Variants in KAZN observed in about 807,000 individuals in gnomAD.
KAZN encodes the protein kazrin, periplakin interacting protein.
Under a neutral mutation model 87.4 loss-of-function variants are expected in KAZN, and 40 were observed. That is an observed-to-expected ratio of 0.46 (90% CI 0.36 to 0.60). The LOEUF is 0.60. Among genes scored for constraint, KAZN ranks in the 20% least tolerant of loss-of-function variants. The probability of loss-of-function intolerance (pLI) is 0.00; values close to 1 mark genes in which losing one functional copy is unlikely to be tolerated. For missense variants in KAZN, 898 were observed against 1,073.9 expected (o/e 0.84, Z 2.29); for synonymous variants, 466 against 458.3 (o/e 1.02, Z -0.22).
chr1:14,022,485 C>CAAAAAAAAAAAAAAAAAAAA (rs58713618), intron 1 of KAZN, among the ~76,000 whole-genome samples: 3 of 110,482 alleles, frequency 2.7e-5, no homozygotes, highest in East Asian at 3.6e-4. Flanking sequence ...GTATTTAAAG[C>CAAAAAAAAAAAAAAAAAAAA]AAAAAAAAAA....
intron 2 of KAZN, among the ~76,000 whole-genome samples, chr1:14,316,444 TTC>T (rs1411608911): frequency 6.6e-6 from 1 of 152,038 alleles, no homozygotes; most frequent in Admixed American, 6.6e-5. Flanking sequence ...AATTTGTGTC[TTC>T]TCCCTTTGTT....
intron 2 of KAZN, among the ~76,000 whole-genome samples, chr1:14,311,876 C>G (rs1655330131): frequency 6.6e-6 from 1 of 152,024 alleles, no homozygotes; most frequent in Non-Finnish European, 1.5e-5. Flanking sequence ...GGCTAATAAA[C>G]TTATGATGCT....
At chr1:15,012,467 C>A (rs1222382142) in intron 2 of KAZN, among the ~76,000 whole-genome samples, 2 of 152,184 alleles carry the variant, frequency 1.3e-5, no homozygotes, top group Non-Finnish European at 2.9e-5. Context: ...TGATGCAACG[C>A]CCCACACCTG....
intron 2 of KAZN, among the ~76,000 whole-genome samples, chr1:14,587,995 G>A (rs775685178): frequency 7.2e-5 from 11 of 152,144 alleles, no homozygotes; most frequent in Non-Finnish European, 1.2e-4. Context: ...GTAAGAGGGG[G>A]GCCACTGGCA....
At position 14,754,401 on chromosome 1, in the gene KAZN, GGCAGGTGGATCCCCTGAGGT is replaced by G. The variant is rs369547338; in HGVS notation, c.226+155179_226+155198del. 4.5e-3 allele frequency among the ~76,000 whole-genome samples: 690 copies of G among 152,320 alleles called. 7 individuals carry two copies. Among genetic ancestry groups the G allele is most frequent in the African/African-American group, 0.015 (621 of 41,566 alleles). On this transcript the variant is annotated intron_variant, in intron 1 of 14. Coordinates refer to ENST00000376030, the MANE Select transcript of KAZN (RefSeq NM_201628.3). ...TAATCCCAGCACTTTGGGAGGCTGA[GGCAGGTGGATCCCCTGAGGT>G]CAGGAGTTCAAGACCAGCCTGGCCA...
intron 2 of KAZN, among the ~76,000 whole-genome samples, chr1:14,509,980 T>C (rs1670813445): frequency 6.8e-6 from 1 of 147,320 alleles, no homozygotes; most frequent in African/African-American, 2.4e-5. Context: ...AAGGGCTTAG[T>C]ATTGAAGGCC....
At chr1:14,056,236 G>A (rs1282644004) in intron 1 of KAZN, among the ~76,000 whole-genome samples, 2 of 152,324 alleles carry the variant, frequency 1.3e-5, no homozygotes, top group African/African-American at 2.4e-5. Context: ...CATGGCAGAC[G>A]AGCTCCGCAG....
At chr1:14,405,832 G>C (rs938715737) in intron 2 of KAZN, among the ~76,000 whole-genome samples, 1 of 151,926 alleles carries the variant, frequency 6.6e-6, no homozygotes, top group African/African-American at 2.4e-5. Context: ...TGTGAAAGCA[G>C]TCAGGCAGGA....
intron 1 of KAZN, among the ~76,000 whole-genome samples, chr1:14,032,643 C>A (rs1479901256): frequency 6.6e-6 from 1 of 152,202 alleles, no homozygotes; most frequent in Non-Finnish European, 1.5e-5. Context: ...AGTGATTGTT[C>A]TGAATTTCCA....
intron 1 of KAZN, among the ~76,000 whole-genome samples, chr1:14,043,050 A>G (rs988165555): frequency 1.3e-5 from 2 of 152,186 alleles, no homozygotes; most frequent in African/African-American, 4.8e-5. Context: ...CTCAAATTGA[A>G]ACTTGGTACC....
At chr1:14,521,283 C>T (rs1213752191) in intron 2 of KAZN, among the ~76,000 whole-genome samples, 2 of 152,188 alleles carry the variant, frequency 1.3e-5, no homozygotes, top group Admixed American at 1.3e-4. Context: ...TCTTTTCACT[C>T]AGTGTGCCCA....
intron 1 of KAZN, among the ~76,000 whole-genome samples, chr1:13,913,848 A>C (rs1639740811): frequency 6.6e-6 from 1 of 152,200 alleles, no homozygotes; most frequent in African/African-American, 2.4e-5. Context: ...TTTATTCAAC[A>C]AGGATCACCA....
intron 8 of KAZN, among the ~76,000 whole-genome samples, chr1:15,074,097 C>T (rs766840410): frequency 2.6e-5 from 4 of 152,226 alleles, no homozygotes; most frequent in Non-Finnish European, 5.9e-5. Flanking sequence ...CCAAGCTGGT[C>T]TCCCTCTCTG....
At chr1:14,392,841 T>A (rs551803304) in intron 2 of KAZN, among the ~76,000 whole-genome samples, 1 of 152,260 alleles carries the variant, frequency 6.6e-6, no homozygotes, top group East Asian at 1.9e-4. Flanking sequence ...CTCATGGTGA[T>A]TCTAATGGCG....
chr1:14,073,005 A>G (rs995661024), intron 1 of KAZN, among the ~76,000 whole-genome samples: 8 of 152,208 alleles, frequency 5.3e-5, no homozygotes, highest in Admixed American at 2.0e-4. Context: ...TTCTGAATCT[A>G]TAAAAGTTAC....
At chr1:13,926,051 A>G (rs546930621) in intron 1 of KAZN, among the ~76,000 whole-genome samples, 1 of 152,074 alleles carries the variant, frequency 6.6e-6, no homozygotes, top group East Asian at 1.9e-4. Context: ...GGTTTTGATA[A>G]TGGTTTCTCT....
At chr1:14,058,173 A>G (rs777985105) in intron 1 of KAZN, among the ~76,000 whole-genome samples, 7 of 151,914 alleles carry the variant, frequency 4.6e-5, no homozygotes, top group Admixed American at 1.3e-4. Flanking sequence ...CCACTATCCC[A>G]TAGGTCCAAC....
At chr1:13,965,770 C>G (rs937605886) in intron 1 of KAZN, among the ~76,000 whole-genome samples, 1 of 152,178 alleles carries the variant, frequency 6.6e-6, no homozygotes, top group African/African-American at 2.4e-5. Context: ...GGGGCAAAGT[C>G]TAGTGTCTTC....
At chr1:15,091,045 C>T (rs1316770687) in intron 8 of KAZN, among the ~76,000 whole-genome samples, 1 of 152,036 alleles carries the variant, frequency 6.6e-6, no homozygotes, top group Non-Finnish European at 1.5e-5. Context: ...TTCTACATAT[C>T]AAACATACTA....
Sources: allele counts gnomAD v4.1 joint callset (sites outside exome capture counted in the v4.1 genomes callset), GRCh38; gene constraint gnomAD v4.1.1; transcripts MANE v1.5; gene names NCBI Gene and HGNC (gene_info 2026-07-23, HGNC 2026-07-21).